MACF1: variants seen among roughly 807,000 people sequenced by gnomAD.
MACF1 encodes microtubule-actin cross-linking factor 1.
In MACF1, 193 loss-of-function variants were observed where a neutral mutation model predicts 854.8. That is an observed-to-expected ratio of 0.23 (90% CI 0.20 to 0.25). The LOEUF (loss-of-function observed/expected upper bound fraction) is 0.25. Ranked by LOEUF, MACF1 falls within the 10% of genes least tolerant of loss-of-function variation. MACF1 has a pLI of 1.00. For missense variants in MACF1, 7,722 were observed against 8,929.1 expected, an observed-to-expected ratio of 0.86 and a Z score of 5.45; for synonymous variants, 3,185 against 3,226.7, an observed-to-expected ratio of 0.99 and a Z score of 0.44.
intron 40 of MACF1, among the ~76,000 whole-genome samples, chr1:39,346,335 C>A (rs74875077): frequency 3.9e-5 from 6 of 151,924 alleles, no homozygotes; most frequent in Non-Finnish European, 8.8e-5. Flanking sequence ...GTACTCCAGC[C>A]TGGGTGACAG....
intron 2 of MACF1, among the ~76,000 whole-genome samples, chr1:39,197,879 A>G (rs561642791): frequency 2.6e-5 from 4 of 152,138 alleles, no homozygotes; most frequent in East Asian, 3.9e-4. Flanking sequence ...GAGCGAGACC[A>G]TGTTTCGAAA....
intron 96 of MACF1, 61 bp from the exon 97 acceptor site, chr1:39,469,486 G>C (rs2124131789): frequency 7.8e-7 from 1 of 1,280,382 alleles, no homozygotes; most frequent in Non-Finnish European, 1.1e-6. Flanking sequence ...TGTCTTTCTT[G>C]ACTAGTTTCT....
chr1:39,315,722 C>G, intron 27 of MACF1, 31 bp downstream of exon 27: 6 of 1,598,824 alleles, frequency 3.8e-6, no homozygotes, highest in Non-Finnish European at 5.1e-6. Flanking sequence ...GGTCCAAGAG[C>G]AATATTTTCC....
chr1:39,127,043 C>T lies in MACF1; in HGVS notation c.220+42605C>T, dbSNP rs749715609. 7.3e-5 allele frequency among the ~76,000 whole-genome samples: 11 copies of T among 151,614 alleles called. No individual in the cohort carries two copies. In the East Asian group the frequency reaches 1.9e-3, roughly 27 times the overall value. On this transcript the variant is annotated intron_variant, in intron 2 of 93. Transcript: ENST00000361689. Reference sequence around the variant, plus strand: ...GGTTGGGAATTTGAGACCAACATGGCGAAACCCCGACTCTACTAAAAATAA... The same window carrying T: ...GGTTGGGAATTTGAGACCAACATGGTGAAACCCCGACTCTACTAAAAATAA...
chr1:39,300,371 G>GCT lies in MACF1; in HGVS notation c.2634+9_2634+10insCT. On this transcript the variant is annotated intron_variant, in intron 22 of 100. Coordinates refer to ENST00000564288, the MANE Select transcript of MACF1 (RefSeq NM_001394062.1). ...ACTACAGGCAGATCGAGGTGAGGAGGTAGAAAGGGTACCTCTGGGCCACAG... is the reference window on the plus strand; with the variant it reads ...ACTACAGGCAGATCGAGGTGAGGAGGCTTAGAAAGGGTACCTCTGGGCCACAG... 1.2e-6 allele frequency: 2 copies of GCT among 1,612,398 alleles called. No homozygotes were observed. The highest frequency in any genetic ancestry group is 4.5e-5 in the East Asian group (2 of 44,790).
chr1:39,171,433 C>T (rs1375050467), intron 2 of MACF1, among the ~76,000 whole-genome samples: 3 of 152,006 alleles, frequency 2.0e-5, no homozygotes, highest in Admixed American at 6.6e-5. Flanking sequence ...CAGTAATTCC[C>T]CTTCTCCCCA....
chr1:39,444,522 C>A, intron 79 of MACF1, 140 bp from the exon 80 acceptor site: 1 of 595,638 alleles, frequency 1.7e-6, no homozygotes, highest in Non-Finnish European at 2.8e-6. Context: ...TATGGCTCAG[C>A]ACTTGAACTG....
At position 39,084,401 on chromosome 1, in the gene MACF1, G is replaced by A; in HGVS notation, c.183G>A (p.Val61=). 1 of 1,612,262 alleles carries A rather than the reference G, an allele frequency of 6.2e-7. No individual in the cohort carries two copies. The highest frequency in any genetic ancestry group is 8.5e-7 in the Non-Finnish European group (1 of 1,179,998). Reference sequence around the variant, plus strand: ...AAAAGCGGAAAAGCCAGGATTCGGTGCTGGACCCTGCAGAGCGTGCTGTGG... The same window carrying A: ...AAAAGCGGAAAAGCCAGGATTCGGTACTGGACCCTGCAGAGCGTGCTGTGG... Residue 61 remains valine, a synonymous_variant, in exon 2 of 94, where the codon GTG becomes GTA. Transcript: ENST00000361689. This position sits in a 1 kb window ranked among gnomAD's most constrained non-coding sequence, Gnocchi z 5.2.
upstream of MACF1, among the ~76,000 whole-genome samples, chr1:39,200,739 C>T (rs756312596): frequency 9.9e-5 from 15 of 151,358 alleles, no homozygotes; most frequent in Non-Finnish European, 1.6e-4. Flanking sequence ...GGCCAGGTCT[C>T]TCCCTGAACT....
chr1:39,187,959 TCC>T (rs1644198755), intron 2 of MACF1, among the ~76,000 whole-genome samples: 1 of 71,506 alleles, frequency 1.4e-5, no homozygotes, highest in Non-Finnish European at 2.8e-5. Flanking sequence ...TTCCCTTCCC[TCC>T]CCTCCTCTCC....
intron 58 of MACF1, among the ~76,000 whole-genome samples, chr1:39,402,103 A>G (rs1642499995): frequency 6.6e-6 from 1 of 152,148 alleles, no homozygotes; most frequent in African/African-American, 2.4e-5. Context: ...TTCCAGCTAC[A>G]TAGGAGGCTG....
chr1:39,094,423 A>G (rs986914221), intron 2 of MACF1, among the ~76,000 whole-genome samples: 120 of 151,280 alleles, frequency 7.9e-4, no homozygotes, highest in African/African-American at 2.9e-3. Context: ...AAAAGAAAAG[A>G]AAAAAGAAAG....
chr1:39,091,491 T>C (rs1164094012), intron 2 of MACF1, among the ~76,000 whole-genome samples: 1 of 152,116 alleles, frequency 6.6e-6, no homozygotes, highest in Non-Finnish European at 1.5e-5. Flanking sequence ...TGCTATATAT[T>C]CAGCCCTTGA....
At chr1:39,438,089 T>A in intron 71 of MACF1, 81 bp downstream of exon 71, 1 of 1,300,034 alleles carries the variant, frequency 7.7e-7, no homozygotes, top group Non-Finnish European at 1.1e-6. Context: ...CCACCAGATT[T>A]ATTTATTTCT....
At chr1:39,440,108 TTTC>T (rs1355430677) in intron 72 of MACF1, among the ~76,000 whole-genome samples, 1,224 of 112,548 alleles carry the variant, frequency 0.011, 27 homozygotes, top group African/African-American at 0.022. Context: ...TTTCTTTTCT[TTTC>T]TTTTTTTTTT....
chr1:39,215,002 C>T (rs1411130112), intron 1 of MACF1, among the ~76,000 whole-genome samples: 1 of 152,176 alleles, frequency 6.6e-6, no homozygotes, highest in Non-Finnish European at 1.5e-5. Flanking sequence ...CAGTTTCTTC[C>T]TACTCAGGTT....
At chr1:39,086,997 G>C (rs574188954) in intron 2 of MACF1, among the ~76,000 whole-genome samples, 2 of 152,176 alleles carry the variant, frequency 1.3e-5, no homozygotes, top group South Asian at 4.1e-4. Context: ...CAGCAGAGAC[G>C]AGGCGGGACT....
At chr1:39,376,578 C>T (rs1649739881) in intron 52 of MACF1, among the ~76,000 whole-genome samples, 1 of 152,176 alleles carries the variant, frequency 6.6e-6, no homozygotes, top group South Asian at 2.1e-4. Context: ...ACCGTCTTCT[C>T]CCACCTACTA....
chr1:39,121,126 A>G (rs1361332923), intron 2 of MACF1: 1 of 152,206 alleles, frequency 6.6e-6, no homozygotes, highest in East Asian at 1.9e-4. Context: ...TTCTGGTATA[A>G]AGTAGCTGCT....
Sources: gnomAD v4.1 joint callset for allele counts (sites outside exome capture counted in the v4.1 genomes callset) on GRCh38, gnomAD v4.1.1 for gene constraint, Gnocchi (gnomAD v3.1) non-coding constraint, MANE v1.5 for transcripts, NCBI Gene and HGNC (gene_info 2026-07-23, HGNC 2026-07-21) for gene names.